The following KIAA1210 variants were observed in gnomAD, a reference collection of about 807,000 sequenced individuals.
The protein encoded by KIAA1210 is KIAA1210.
KIAA1210 carries 48 observed loss-of-function variants against 78.9 expected under a neutral mutation model. The ratio of observed to expected loss-of-function variants is 0.61; its 90% CI spans 0.48 to 0.77. KIAA1210 has a LOEUF of 0.77. Ranked by LOEUF, KIAA1210 falls within the 30% of genes least tolerant of loss-of-function variation. KIAA1210 has a pLI of 0.00. For missense variants in KIAA1210, 1,108 were observed against 1,100.0 expected, an observed-to-expected ratio of 1.01 and a Z score of -0.10; for synonymous variants, 406 against 404.5, an observed-to-expected ratio of 1.00 and a Z score of -0.04.
chrX:119,116,141 C>T (rs1333908874), intron 3 of KIAA1210, among the ~76,000 whole-genome samples: 1 of 111,982 alleles, frequency 8.9e-6, no homozygotes, highest in East Asian at 2.8e-4. Flanking sequence ...ATCAAACAGG[C>T]CTTCAGCTCC....
In KIAA1210 at chrX:119,088,748, A is replaced by G. The variant is rs1463548816; in HGVS notation, c.1954T>C (p.Ser652Pro). 1 of 1,209,303 alleles carries G rather than the reference A, an allele frequency of 8.3e-7. No individual in the cohort carries two copies. Among genetic ancestry groups the G allele is most frequent in the South Asian group, 1.8e-5 (1 of 56,557 alleles). Reference protein sequence around the residue: ...SKSFVEDLSSSEEELDLRCLS... With the variant: ...SKSFVEDLSSPEEELDLRCLS... ...CATCTGAGGTCCAGCTCCTCCTCAG[A>G]GCTGCTCAAGTCCTCAACAAAACTT... The change falls in exon 9 of 12, where the codon TCT becomes CCT. Residue 652 changes from serine to proline, a missense_variant. Physicochemically the swap from Ser to Pro is moderately conservative, Grantham distance 74. Around this residue, in one of 5 missense-constraint regions of KIAA1210, gnomAD observed 672 missense variants for 607.1 expected, o/e 1.11. Transcript: ENST00000691062.
chrX:119,121,702 T>A (rs1928462066), intron 2 of KIAA1210, among the ~76,000 whole-genome samples: 2 of 112,722 alleles, frequency 1.8e-5, no homozygotes, highest in Non-Finnish European at 3.8e-5. Context: ...TTAAAATACA[T>A]CGCATAATGA....
chrX:119,084,057 A>G (rs1927055252), intron 10 of KIAA1210, among the ~76,000 whole-genome samples: 1 of 105,588 alleles, frequency 9.5e-6, no homozygotes, highest in Admixed American at 1.0e-4. Context: ...TTACCCCTCT[A>G]TGTTCCTGTC....
Position 119,150,389 on chromosome X carries a change from C to G in KIAA1210, c.191G>C (p.Gly64Ala). The G allele has an allele frequency of 8.3e-7, 1 of 1,211,073 alleles. No homozygotes were observed. Among genetic ancestry groups the G allele is most frequent in the Non-Finnish European group, 1.1e-6 (1 of 895,091 alleles). The change falls in exon 1 of 14, where the codon GGG becomes GCG. Residue 64 changes from glycine to alanine, a missense_variant. By Grantham distance (60) the Gly-to-Ala change is moderately conservative (BLOSUM62 0). Coordinates refer to the KIAA1210 transcript ENST00000402510. ...AGTCACTGCAGCTGGGCCAAGCTCCCCCTTGGTGCTTCCCTCCTTCTTGCC... is the reference window on the plus strand; with the variant it reads ...AGTCACTGCAGCTGGGCCAAGCTCCGCCTTGGTGCTTCCCTCCTTCTTGCC...
In KIAA1210 at chrX:119,116,480, C is replaced by T; in HGVS notation, c.230+16G>A. The T allele has an allele frequency of 8.3e-7, 1 of 1,207,512 alleles. No homozygotes were observed. On this transcript the variant is annotated intron_variant, in intron 3 of 11. Transcript: ENST00000691062. ...CTTCCCCTGTCCCCATCACTCTCCA[C>T]CGCATCTGAGCTCACCTGGCCTTAG...
Position 119,087,280 on chromosome X carries a change from G to A in KIAA1210, c.3422C>T (p.Ser1141Phe). The part of the protein sequence containing the change: ...EQKVSPVSAS[S>F]PKEWRNSKKQ... The stretch of plus-strand genomic sequence containing the variant: ...TTTAGAATTCCTCCACTCTTTAGGA[G>A]AACTGGCAGAAACAGGGGAGACTTT... Residue 1141 changes from serine (S) to phenylalanine (F), a missense_variant, in exon 9 of 12, where the codon TCT (serine) becomes TTT (phenylalanine). Coordinates refer to ENST00000691062, the MANE Select transcript of KIAA1210 (RefSeq NM_001394962.1). The A allele has an allele frequency of 8.3e-7, 1 of 1,211,240 alleles. No homozygotes were observed. Among genetic ancestry groups the A allele is most frequent in the Non-Finnish European group, 1.1e-6 (1 of 895,249 alleles).
chrX:119,131,036 C>A (rs770873835), upstream of KIAA1210, among the ~76,000 whole-genome samples: 1 of 111,896 alleles, frequency 8.9e-6, no homozygotes, highest in Admixed American at 9.5e-5. Context: ...TAAACCACAG[C>A]CTGATTTGGC....
In KIAA1210 at chrX:119,093,676, C is replaced by T. The variant is rs1927460329; in HGVS notation, c.946G>A (p.Asp316Asn). 1 of 1,198,809 alleles carries T rather than the reference C, an allele frequency of 8.3e-7. No homozygotes were observed. Among genetic ancestry groups the T allele is most frequent in the African/African-American group, 1.8e-5 (1 of 56,862 alleles). The change falls in exon 8 of 12, where the codon GAC becomes AAC. Residue 316 changes from aspartate (D) to asparagine (N), a missense_variant. Physicochemically the swap from Asp to Asn is conservative, Grantham distance 23 (BLOSUM62 1). Around this residue, in one of 5 missense-constraint regions of KIAA1210, gnomAD observed 672 missense variants for 607.1 expected, o/e 1.11. Transcript: ENST00000691062. ...KEINEKKLGM[D>N]SADSSSQKQN... ...GTGAAGATATGCTAACCTGCACTGT[C>T]CATTCCCAGCTTCTTTTCGTTGATT... is the stretch of plus-strand genomic sequence containing the variant.
At chrX:119,120,782 T>C (rs755294495) in intron 2 of KIAA1210, among the ~76,000 whole-genome samples, 1 of 111,982 alleles carries the variant, frequency 8.9e-6, no homozygotes, top group East Asian at 2.8e-4. Context: ...TTCCATTCCA[T>C]CCTGTAGTGT....
At chrX:119,099,452 C>T (rs1298650901) in intron 6 of KIAA1210, among the ~76,000 whole-genome samples, 1 of 112,415 alleles carries the variant, frequency 8.9e-6, no homozygotes, top group Non-Finnish European at 1.9e-5. Flanking sequence ...CACAGACCCA[C>T]ATCCATTCTC....
At chrX:119,104,798 A>G (rs1219191504) in intron 6 of KIAA1210, among the ~76,000 whole-genome samples, 194 bp downstream of exon 6, 1 of 111,975 alleles carries the variant, frequency 8.9e-6, no homozygotes, top group African/African-American at 3.2e-5. Context: ...TCCCTTGCTT[A>G]TACATTAAAA....
In KIAA1210 at chrX:119,088,306, C is replaced by T. The variant is rs1422857749; in HGVS notation, c.2396G>A (p.Ser799Asn). The T allele has an allele frequency of 4.1e-6, 5 of 1,209,245 alleles. No homozygotes were observed. In the East Asian group the frequency reaches 1.5e-4, roughly 36 times the overall value. Residue 799 changes from serine to asparagine, a missense_variant, in exon 9 of 12, where the codon AGC (serine) becomes AAC (asparagine). Coordinates refer to ENST00000691062, the MANE Select transcript of KIAA1210 (RefSeq NM_001394962.1). ...SSPKSMAVEE[S>N]ISMKPLPPKL... ...AGGAGGCAGAGGCTTCATAGAAATGCTCTCTTCAACAGCCATGCTCTTTGG... is the reference window on the plus strand; with the variant it reads ...AGGAGGCAGAGGCTTCATAGAAATGTTCTCTTCAACAGCCATGCTCTTTGG...
At chrX:119,085,051 T>C (rs1006381389) in intron 10 of KIAA1210, among the ~76,000 whole-genome samples, 2 of 111,601 alleles carry the variant, frequency 1.8e-5, no homozygotes, top group African/African-American at 6.5e-5. Context: ...CAGCTGTGTT[T>C]TTGTATTTTT....
rs1344278451 is a variant in KIAA1210, at chrX:119,079,564, C to T, written c.*1765G>A. On this transcript the variant is annotated 3_prime_UTR_variant, in exon 12 of 12. Transcript: ENST00000691062. ...CTGGCTCTGGGGGTAAAGGTGCCTA[C>T]ATCTTCATCCTCAGCCGAGGAGTTA... 8.9e-6 allele frequency: 1 copy of T among 111,881 alleles called. No homozygotes were observed. The highest frequency in any genetic ancestry group is 1.9e-5 in the Non-Finnish European group (1 of 53,138). The allele number at this position is 111,881 out of a possible 1,213,427, so 9.2% of individuals were successfully genotyped here.
At chrX:119,107,114 C>A (rs1278821516) in intron 5 of KIAA1210, among the ~76,000 whole-genome samples, 1 of 112,305 alleles carries the variant, frequency 8.9e-6, no homozygotes, top group Non-Finnish European at 1.9e-5. Flanking sequence ...CCTATGTTGT[C>A]TTCAGCCTTG....
At chrX:119,114,261 G>A (rs367672714) in intron 3 of KIAA1210, among the ~76,000 whole-genome samples, 2 of 111,388 alleles carry the variant, frequency 1.8e-5, no homozygotes, top group East Asian at 2.8e-4. Context: ...AACAGAACCC[G>A]CTCTAAGATG....
rs1269259909 is a variant in KIAA1210 at position 119,109,293 on chromosome X, AC to A, written c.231-92del. ...ATTCATAATATGGCCTACCATAGAT[AC>A]CTCAGAAGGAGAGCAGGGATGCATA... On this transcript the variant is annotated intron_variant, in intron 3 of 11. Transcript: ENST00000691062. The A allele has an allele frequency of 3.3e-6, 3 of 898,366 alleles. No homozygotes were observed. The African/African-American group carries it at 6.0e-5, about 18-fold the overall frequency. 74.0% of individuals were successfully genotyped at this position (898,366 alleles called of 1,213,427 possible). A position where few individuals can be genotyped will look rare whatever the true frequency, so the allele number is the denominator to read the frequency against.
rs760066187 is a variant in KIAA1210, at chrX:119,086,775, G to C, written c.3927C>G (p.Pro1309=). The part of the protein sequence containing the change: ...LFGVRLKRAP[P]SQKYKSEKQD... The stretch of plus-strand genomic sequence containing the variant: ...GTTTCTCACTCTTATACTTCTGCGA[G>C]GGAGGGGCTCTTTTCAGTCGAACTC... Residue 1309 remains proline, a synonymous_variant, in exon 9 of 12, where the codon CCC becomes CCG. Transcript: ENST00000691062. 8.3e-7 allele frequency: 1 copy of C among 1,211,278 alleles called. No homozygotes were observed. Among genetic ancestry groups the C allele is most frequent in the South Asian group, 1.8e-5 (1 of 56,851 alleles).
At chrX:119,131,842 G>A (rs1178564755), upstream of KIAA1210, among the ~76,000 whole-genome samples, 1 of 112,376 alleles carries the variant, frequency 8.9e-6, no homozygotes, top group Non-Finnish European at 1.9e-5. Flanking sequence ...TTGGGAGGCC[G>A]AGGCAAAGGA....
Sources: gnomAD v4.1 joint callset for allele counts (sites outside exome capture counted in the v4.1 genomes callset) on GRCh38, gnomAD v4.1.1 for gene constraint, gnomAD v4.1.1 regional missense constraint, MANE v1.5 for transcripts, NCBI Gene and HGNC (gene_info 2026-07-23, HGNC 2026-07-21) for gene names.